The following MFRP variants were observed in gnomAD, a reference collection of about 807,000 sequenced individuals.
MFRP encodes C1q and TNF related 5.
Under a neutral mutation model 65.8 loss-of-function variants are expected in MFRP, and 74 were observed. The ratio of observed to expected loss-of-function variants is 1.12; its 90% confidence interval spans 0.93 to 1.36. The LOEUF is 1.36. MFRP is among the 40% of genes most tolerant of loss of function. MFRP has a pLI of 0.00. For missense variants in MFRP, 838 were observed against 736.0 expected (o/e 1.14, Z -1.60); for synonymous variants, 336 against 288.3 (o/e 1.17, Z -1.68).
At chr11:119,344,797 C>G in intron 6 of MFRP, 40 bp from the exon 7 acceptor site, 2 of 1,613,742 alleles carry the variant, frequency 1.2e-6, no homozygotes, top group Non-Finnish European at 1.7e-6. Flanking sequence ...CCCGGAGTCT[C>G]CACCCCTTTG....
chr11:119,340,186 G>C lies in MFRP; in HGVS notation c.*1108C>G, dbSNP rs554735772. 21 of 1,514,154 alleles carry C rather than the reference G, an allele frequency of 1.4e-5. No individual in the cohort carries two copies. Among genetic ancestry groups the C allele is most frequent in the South Asian group, 5.0e-5 (4 of 80,416 alleles). The allele number at this position is 1,514,154 out of a possible 1,614,324, so 93.8% of individuals were successfully genotyped here. ...TAGCCGCGGCGGTGCCTTCTTACCCGGCCTCCCGCCCTCGCCTTTCTCTCC... is the reference window on the plus strand; with the variant it reads ...TAGCCGCGGCGGTGCCTTCTTACCCCGCCTCCCGCCCTCGCCTTTCTCTCC... On this transcript the variant is annotated splice_region_variant and 3_prime_UTR_variant, in exon 14 of 15. Transcript: ENST00000619721.
intron 8 of MFRP, 123 bp from the exon 9 acceptor site, chr11:119,344,087 G>A (rs1380801104): frequency 2.3e-6 from 3 of 1,329,404 alleles, no homozygotes; most frequent in Non-Finnish European, 2.1e-6. Context: ...ATCATTGGTG[G>A]TTCTTAAGGA....
rs773378844 is a variant in MFRP at position 119,345,041 on chromosome 11, A to G, written c.642-37T>C. ...CAGGTTGGGGGTGAGGGAGGCTCCAAGAGCAGGGTCAGCCAGAGAGGAGCT... is the reference window on the plus strand; with the variant it reads ...CAGGTTGGGGGTGAGGGAGGCTCCAGGAGCAGGGTCAGCCAGAGAGGAGCT... On this transcript the variant is annotated intron_variant, in intron 5 of 14. Transcript: ENST00000619721. 5.7e-6 allele frequency: 9 copies of G among 1,589,474 alleles called. No homozygotes were observed. The Admixed American group carries it at 1.1e-4, about 19-fold the overall frequency.
chr11:119,344,778 T>C (rs747549856), intron 6 of MFRP, 21 bp from the exon 7 acceptor site: 3 of 1,613,514 alleles, frequency 1.9e-6, no homozygotes, highest in South Asian at 1.1e-5. Flanking sequence ...GCACCAGGAG[T>C]CAGGGAGGCC....
In MFRP at chr11:119,345,753, G is replaced by T. The variant is rs1468414723; in HGVS notation, c.427+20C>A. 6.2e-7 allele frequency: 1 copy of T among 1,613,454 alleles called. No homozygotes were observed. On this transcript the variant is annotated intron_variant, in intron 4 of 14. Transcript: ENST00000619721. Reference sequence around the variant, plus strand: ...GTCATCTTGGGCCCTTCTCCCGGAAGATCTGCCCCCAGTACTCACTGGACT... The same window carrying T: ...GTCATCTTGGGCCCTTCTCCCGGAATATCTGCCCCCAGTACTCACTGGACT...
Position 119,340,501 on chromosome 11 carries a change from C to T in MFRP, c.*854-61G>A, listed in dbSNP as rs976898724. 39 of 1,295,834 alleles carry T rather than the reference C, an allele frequency of 3.0e-5. No individual in the cohort carries two copies. In the Admixed American group the frequency reaches 5.1e-4, roughly 17 times the overall value. The allele number at this position is 1,295,834 out of a possible 1,614,324, so 80.3% of individuals were successfully genotyped here. A position where few individuals can be genotyped will look rare whatever the true frequency, so the allele number is the denominator to read the frequency against. On this transcript the variant is annotated intron_variant, in intron 13 of 14. Coordinates refer to ENST00000619721, the MANE Select transcript of MFRP (RefSeq NM_031433.4). Reference sequence around the variant, plus strand: ...ATCCTGGGACCTGCCTCTCTCCCCACCCCGGCGCGGCCCAGTCGGTCCCCA... The same window carrying T: ...ATCCTGGGACCTGCCTCTCTCCCCATCCCGGCGCGGCCCAGTCGGTCCCCA...
chr11:119,345,936 C>T lies in MFRP; in HGVS notation c.272-8G>A, dbSNP rs1292498545. On this transcript the variant is annotated splice_polypyrimidine_tract_variant and splice_region_variant and intron_variant, in intron 3 of 14. Transcript: ENST00000619721. ...GGGGTGCAGCCTGCAGCTCTGGAGG[C>T]GAGAAGATGGAGGGTGGCGTTCAGA... 17 of 1,613,644 alleles carry T rather than the reference C, an allele frequency of 1.1e-5. No individual in the cohort carries two copies. Among genetic ancestry groups the T allele is most frequent in the East Asian group, 2.2e-5 (1 of 44,860 alleles).
Position 119,344,965 on chromosome 11 carries a change from A to T in MFRP, c.681T>A (p.Asn227Lys), listed in dbSNP as rs747233292. 1.2e-6 allele frequency: 2 copies of T among 1,609,214 alleles called. No individual in the cohort carries two copies. Among genetic ancestry groups the T allele is most frequent in the South Asian group, 1.1e-5 (1 of 90,106 alleles). Residue 227 changes from asparagine to lysine, a missense_variant, in exon 6 of 15, where the codon AAT (asparagine) becomes AAA (lysine). Transcript: ENST00000619721. ...CGAAGACCACCAGGAGGTGGCTGGCATTGGTGTTGAGCGTGGGGGGAGGCA... is the reference window on the plus strand; with the variant it reads ...CGAAGACCACCAGGAGGTGGCTGGCTTTGGTGTTGAGCGTGGGGGGAGGCA... ...GRVPPPTLNT[N>K]ASHLLVVFVS...
In MFRP at chr11:119,342,947, A is replaced by ACAGC. The variant is rs1220491723; in HGVS notation, c.1177_1180dup (p.Val394GlyfsTer5). 1.9e-6 allele frequency: 3 copies of ACAGC among 1,612,196 alleles called. No homozygotes were observed. The highest frequency in any genetic ancestry group is 2.5e-6 in the Non-Finnish European group (3 of 1,179,668). On this transcript the variant is annotated frameshift_variant, in exon 10 of 15. Transcript: ENST00000619721. LOFTEE classifies it high-confidence loss of function. ...GATGCCATGATCTGTCCTAAACAGCACAGCCAGCTCATGGTGCGAGGAGAC... is the reference window on the plus strand; with the variant it reads ...GATGCCATGATCTGTCCTAAACAGCACAGCCAGCCAGCTCATGGTGCGAGGAGAC...
rs931084902 is a variant in MFRP at position 119,339,975 on chromosome 11, G to A, written c.*1111-127C>T. On this transcript the variant is annotated intron_variant, in intron 14 of 14. Transcript: ENST00000619721. The surrounding 1 kb of genome is among the most constrained non-coding windows in gnomAD (Gnocchi z 5.4). ...CTTCGGCCAGCGCCTCCTCCCGCAC[G>A]GGTACCTCCTCCACCCCTTCCCGCA... 16 of 1,328,048 alleles carry A rather than the reference G, an allele frequency of 1.2e-5. No homozygotes were observed. Among genetic ancestry groups the A allele is most frequent in the Admixed American group, 3.2e-5 (1 of 31,564 alleles). 82.3% of individuals were successfully genotyped at this position (1,328,048 alleles called of 1,614,324 possible).
At chr11:119,343,096 C>T (rs1302303982) in intron 9 of MFRP, 93 bp from the exon 10 acceptor site, 4 of 1,467,588 alleles carry the variant, frequency 2.7e-6, no homozygotes, top group African/African-American at 1.4e-5. Flanking sequence ...GCTGGGAGCC[C>T]TGGATGATGC....
At position 119,343,883 on chromosome 11, in the gene MFRP, C is replaced by G. The variant is rs563717527; in HGVS notation, c.1057G>C (p.Glu353Gln). Residue 353 changes from glutamate (E) to glutamine (Q), a missense_variant, in exon 9 of 15, where the codon GAG becomes CAG. Transcript: ENST00000619721. ...ACCTCCACGTAGTCAAACTTGCACT[C>G]GTCCTGAGCCTCCAGGCTGAAGTTG... ...FHNFSLEAQD[E>Q]CKFDYVEVYE... is the part of the protein sequence containing the mutation. 1 of 1,613,824 alleles carries G rather than the reference C, an allele frequency of 6.2e-7. No homozygotes were observed.
In MFRP at chr11:119,341,956, C is replaced by T. The variant is rs759477685; in HGVS notation, c.1416G>A (p.Glu472=). The change falls in exon 12 of 15, where the codon GAG becomes GAA. Residue 472 remains glutamate, a synonymous_variant. Transcript: ENST00000619721. ...TGTTGTAGCTCAGACCGAGGCACAT[C>T]TCCACCTGGACAGGCTCACAGGCCA... ...PELACEPVQV[E]MCLGLSYNTT... The T allele has an allele frequency of 6.2e-7, 1 of 1,613,918 alleles. No individual in the cohort carries two copies. Among genetic ancestry groups the T allele is most frequent in the East Asian group, 2.2e-5 (1 of 44,890 alleles).
chr11:119,340,383 G>C lies in MFRP; in HGVS notation c.*911C>G. 1 of 1,545,390 alleles carries C rather than the reference G, an allele frequency of 6.5e-7. No homozygotes were observed. Among genetic ancestry groups the C allele is most frequent in the Non-Finnish European group, 8.7e-7 (1 of 1,146,088 alleles). On this transcript the variant is annotated 3_prime_UTR_variant, in exon 14 of 15. Coordinates refer to ENST00000619721, the MANE Select transcript of MFRP (RefSeq NM_031433.4). ...CCGCCAGGCCCAGGAGCAGCAGGAC[G>C]AGGAGTGGCCTCATAGCGCTGGCAC...
chr11:119,343,043 C>T (rs1181268691), intron 9 of MFRP, 40 bp from the exon 10 acceptor site: 1 of 1,567,364 alleles, frequency 6.4e-7, no homozygotes, highest in Non-Finnish European at 8.6e-7. Context: ...CCAGCCCTGG[C>T]TGACTGAGGG....
chr11:119,343,425 A>G (rs948412), intron 9 of MFRP, among the ~76,000 whole-genome samples: 21,716 of 152,204 alleles, frequency 0.14, 1,723 homozygotes, highest in African/African-American at 0.19. Context: ...GCTGAGGTGG[A>G]AGGAGCACTT....
chr11:119,339,004 G>A lies in MFRP; in HGVS notation c.*1955C>T, dbSNP rs1950468030. 2 of 281,170 alleles carry A rather than the reference G, an allele frequency of 7.1e-6. No individual in the cohort carries two copies. The highest frequency in any genetic ancestry group is 1.3e-5 in the Non-Finnish European group (2 of 148,856). The allele number at this position is 281,170 out of a possible 1,614,324, so 17.4% of individuals were successfully genotyped here. On this transcript the variant is annotated 3_prime_UTR_variant, in exon 15 of 15. Coordinates refer to ENST00000619721, the MANE Select transcript of MFRP (RefSeq NM_031433.4). The surrounding 1 kb of genome is among the most constrained non-coding windows in gnomAD (Gnocchi z 5.4). ...GGGCCGGCCCCAGGAGCAGGAGGGG[G>A]TGGGGAGGATCCAGAGAAGCAGAGG...
chr11:119,340,077 G>T, intron 14 of MFRP, 107 bp downstream of exon 14: 2 of 1,355,254 alleles, frequency 1.5e-6, no homozygotes, highest in Non-Finnish European at 1.9e-6. Context: ...AAAGCGCGGG[G>T]AGTGGCGCCC....
chr11:119,342,725 G>A lies in MFRP; in HGVS notation c.1258C>T (p.Pro420Ser). The stretch of plus-strand genomic sequence containing the variant: ...CAGGAGAGCTCACTGGGCCCACAGG[G>A]GTCTGCAGGCACAAGGGGCATGGCA... Reference protein sequence around the residue: ...TYLAFNATENPCGPSELSCQA... With the variant: ...TYLAFNATENSCGPSELSCQA... Residue 420 changes from proline to serine, a missense_variant and splice_region_variant, in exon 11 of 15, where the codon CCC becomes TCC. Pro to Ser is a moderately conservative substitution (Grantham distance 74). Coordinates refer to ENST00000619721, the MANE Select transcript of MFRP (RefSeq NM_031433.4). The A allele has an allele frequency of 6.2e-7, 1 of 1,613,510 alleles. No homozygotes were observed. Among genetic ancestry groups the A allele is most frequent in the Non-Finnish European group, 8.5e-7 (1 of 1,179,922 alleles).
Sources: allele counts gnomAD v4.1 joint callset (sites outside exome capture counted in the v4.1 genomes callset), GRCh38; gene constraint gnomAD v4.1.1; non-coding constraint Gnocchi (gnomAD v3.1); transcripts MANE v1.5; gene names NCBI Gene and HGNC (gene_info 2026-07-23, HGNC 2026-07-21).